OSTN: variants seen among roughly 807,000 people sequenced by gnomAD.
OSTN encodes osteocrin.
Under a neutral mutation model 12.0 loss-of-function variants are expected in OSTN, and 9 were observed. That is an observed-to-expected ratio of 0.75 (90% CI 0.45 to 1.30). The LOEUF (loss-of-function observed/expected upper bound fraction) is 1.30, where lower values mean the gene tolerates loss of function less well. OSTN is among the 50% of genes most tolerant of loss of function. OSTN has a pLI of 0.00. For synonymous variants in OSTN, 59 were observed against 56.9 expected (o/e 1.04, Z -0.16); for missense variants, 148 against 152.3 (o/e 0.97, Z 0.15).
chr3:191,216,647 T>A (rs1714619757), intron 2 of OSTN, among the ~76,000 whole-genome samples: 1 of 152,194 alleles, frequency 6.6e-6, no homozygotes, highest in Non-Finnish European at 1.5e-5. Context: ...AAACCATCTC[T>A]CTCAAGTTCA....
At chr3:191,230,476 A>C (rs1715024811) in intron 3 of OSTN, among the ~76,000 whole-genome samples, 1 of 149,870 alleles carries the variant, frequency 6.7e-6, no homozygotes, top group Non-Finnish European at 1.5e-5. Flanking sequence ...AGGCAGGGAA[A>C]TCGCTTGAAC....
rs572878576 is a variant in OSTN at position 191,239,581 on chromosome 3, C to T, written c.318-10456C>T. 2.6e-5 allele frequency among the ~76,000 whole-genome samples: 4 copies of T among 152,278 alleles called. No individual in the cohort carries two copies. The South Asian group carries it at 6.2e-4, about 24-fold the overall frequency. ...AATACATCAGAAGCTGACATTATGC[C>T]TAATCAGCACCTTCATCATAAATTG... On this transcript the variant is annotated intron_variant, in intron 3 of 4. Coordinates refer to ENST00000682035, the MANE Select transcript of OSTN (RefSeq NM_198184.2).
intron 4 of OSTN, among the ~76,000 whole-genome samples, chr3:191,250,352 T>C (rs143697364): frequency 6.2e-4 from 94 of 152,294 alleles, no homozygotes; most frequent in African/African-American, 2.2e-3. Context: ...TCTGCTTCAC[T>C]CTCCAAAATT....
rs898150638 is a variant in OSTN, at chr3:191,200,051, G to C, written c.-1+744G>C. Among the ~76,000 whole-genome samples the C allele has an allele frequency of 2.0e-5, 3 of 152,206 alleles. No individual in the cohort carries two copies. In the East Asian group the frequency reaches 5.8e-4, roughly 29 times the overall value. On this transcript the variant is annotated intron_variant, in intron 1 of 4. Coordinates refer to ENST00000682035, the MANE Select transcript of OSTN (RefSeq NM_198184.2). ...ACAGACTCTATAGGTTTAGGAATGTGATTATTATTTGTTTATGAGTTTTCC... is the reference window on the plus strand; with the variant it reads ...ACAGACTCTATAGGTTTAGGAATGTCATTATTATTTGTTTATGAGTTTTCC...
intron 2 of OSTN, among the ~76,000 whole-genome samples, chr3:191,214,491 A>C (rs1714555064): frequency 6.6e-6 from 1 of 151,708 alleles, no homozygotes; most frequent in East Asian, 1.9e-4. Flanking sequence ...ACTGATGGGA[A>C]TCAAAAATAG....
At chr3:191,252,076 T>C (rs1378312168) in intron 4 of OSTN, among the ~76,000 whole-genome samples, 5 of 152,234 alleles carry the variant, frequency 3.3e-5, no homozygotes, top group Non-Finnish European at 7.3e-5. Flanking sequence ...TTTTGGTTTT[T>C]TTGAGACGGA....
intron 3 of OSTN, among the ~76,000 whole-genome samples, chr3:191,222,577 A>C (rs1714795117): frequency 6.6e-6 from 1 of 152,196 alleles, no homozygotes; most frequent in East Asian, 1.9e-4. Context: ...GCCTTGTCTC[A>C]AATGAACTTT....
intron 2 of OSTN, among the ~76,000 whole-genome samples, chr3:191,212,863 C>CT (rs1714498190): frequency 5.7e-5 from 6 of 104,654 alleles, no homozygotes; most frequent in South Asian, 3.3e-4. Context: ...CTTTTCTTTT[C>CT]TTTCTTTTTT....
chr3:191,258,499 GA>G lies in OSTN; in HGVS notation c.*13-4366del, dbSNP rs376768682. ...CATACCAGGGCCTGTCGGGGCGTAG[GA>G]GGCAAGGGGAGGGATAGCATTAAGA... On this transcript the variant is annotated intron_variant, in intron 4 of 4. Coordinates refer to ENST00000682035, the MANE Select transcript of OSTN (RefSeq NM_198184.2). Among the ~76,000 whole-genome samples, 907 of 147,898 alleles carry G rather than the reference GA, an allele frequency of 6.1e-3. 7 individuals carry two copies. The highest frequency in any genetic ancestry group is 0.021 in the African/African-American group (838 of 39,238).
chr3:191,244,097 T>C (rs754509952), intron 3 of OSTN, among the ~76,000 whole-genome samples: 1 of 152,138 alleles, frequency 6.6e-6, no homozygotes, highest in Non-Finnish European at 1.5e-5. Flanking sequence ...ATTTTTACTC[T>C]CTTTAAATTG....
intron 3 of OSTN, among the ~76,000 whole-genome samples, chr3:191,244,863 C>T (rs1170567170): frequency 6.6e-6 from 1 of 151,324 alleles, no homozygotes; most frequent in African/African-American, 2.4e-5. Context: ...CATTTGCAAC[C>T]AATCCACAAT....
chr3:191,215,493 CA>C (rs898109043), intron 2 of OSTN, among the ~76,000 whole-genome samples: 2 of 152,156 alleles, frequency 1.3e-5, no homozygotes, highest in African/African-American at 4.8e-5. Context: ...TCATCTGAGA[CA>C]AGGCAAGTCC....
At chr3:191,233,246 C>T (rs931538756) in intron 3 of OSTN, among the ~76,000 whole-genome samples, 2 of 152,086 alleles carry the variant, frequency 1.3e-5, no homozygotes, top group Non-Finnish European at 2.9e-5. Context: ...TAAAGAACCA[C>T]CTGTTGTTTC....
intron 3 of OSTN, among the ~76,000 whole-genome samples, chr3:191,244,799 T>TA (rs1560122970): frequency 3.3e-4 from 49 of 150,716 alleles, no homozygotes; most frequent in African/African-American, 1.2e-3. Flanking sequence ...TGAATTGATT[T>TA]TTATATATAT....
intron 4 of OSTN, among the ~76,000 whole-genome samples, chr3:191,261,150 C>T (rs930031177): frequency 6.6e-6 from 1 of 152,180 alleles, no homozygotes; most frequent in Non-Finnish European, 1.5e-5. Context: ...CTGCTCACTG[C>T]ACCCAACTGA....
At chr3:191,219,740 T>A (rs1046320165) in intron 3 of OSTN, among the ~76,000 whole-genome samples, 1 of 152,214 alleles carries the variant, frequency 6.6e-6, no homozygotes, top group Admixed American at 6.5e-5. Flanking sequence ...TCTGGGAAAT[T>A]GACCAAGATT....
At chr3:191,244,179 C>T (rs931457818) in intron 3 of OSTN, among the ~76,000 whole-genome samples, 8 of 152,100 alleles carry the variant, frequency 5.3e-5, no homozygotes, top group Admixed American at 4.6e-4. Context: ...CATTTTTCCA[C>T]CTGCTGTTTT....
chr3:191,262,736 A>G, intron 4 of OSTN, 130 bp from the exon 5 acceptor site: 2 of 540,016 alleles, frequency 3.7e-6, no homozygotes, highest in Non-Finnish European at 6.7e-6. Flanking sequence ...AAAAATTGCC[A>G]TGTAAATAAA....
chr3:191,209,100 A>G (rs1714355483), intron 1 of OSTN, among the ~76,000 whole-genome samples: 1 of 152,266 alleles, frequency 6.6e-6, no homozygotes, highest in Non-Finnish European at 1.5e-5. Context: ...CAGAGGTTGC[A>G]GTGAGCTGAG....
Sources: gnomAD v4.1 joint callset for allele counts (sites outside exome capture counted in the v4.1 genomes callset) on GRCh38, gnomAD v4.1.1 for gene constraint, MANE v1.5 for transcripts, NCBI Gene and HGNC (gene_info 2026-07-23, HGNC 2026-07-21) for gene names.